HSPBAP1: variants seen among roughly 807,000 people sequenced by gnomAD.
HSPBAP1 encodes the protein HSPB1 associated protein 1, also known as HSPB1-associated protein 1.
HSPBAP1 carries 27 observed loss-of-function variants against 45.2 expected under a neutral mutation model. The ratio of observed to expected loss-of-function variants is 0.60; its 90% CI spans 0.44 to 0.82. The LOEUF (loss-of-function observed/expected upper bound fraction) is 0.82. Among genes scored for constraint, HSPBAP1 ranks in the 40% least tolerant of loss-of-function variants. The pLI is 0.00. For missense variants in HSPBAP1, 510 were observed against 590.9 expected (o/e 0.86, Z 1.42); for synonymous variants, 204 against 202.7 (o/e 1.01, Z -0.06).
At chr3:122,757,214 T>C (rs1043391364) in intron 4 of HSPBAP1, among the ~76,000 whole-genome samples, 1 of 152,200 alleles carries the variant, frequency 6.6e-6, no homozygotes, top group Admixed American at 6.5e-5. Context: ...CTTCTCATGG[T>C]TCTGGATGCT....
chr3:122,784,104 C>A (rs551689797), intron 1 of HSPBAP1, among the ~76,000 whole-genome samples: 7 of 152,210 alleles, frequency 4.6e-5, no homozygotes, highest in Non-Finnish European at 7.3e-5. Flanking sequence ...GCTGGGACTA[C>A]AGGCATGAGC....
intron 1 of HSPBAP1, among the ~76,000 whole-genome samples, chr3:122,783,840 T>A (rs1935570005): frequency 6.6e-6 from 1 of 152,024 alleles, no homozygotes; most frequent in Non-Finnish European, 1.5e-5. Context: ...TTTCTTTTTT[T>A]TTTTTTTTGA....
intron 6 of HSPBAP1, among the ~76,000 whole-genome samples, chr3:122,747,330 C>T (rs1171687874): frequency 2.6e-5 from 4 of 151,784 alleles, no homozygotes; most frequent in Non-Finnish European, 4.4e-5. Context: ...AAGTGAGGAG[C>T]GTCTCTGCCC....
chr3:122,786,348 A>G (rs925356192), intron 1 of HSPBAP1: 7 of 152,208 alleles, frequency 4.6e-5, no homozygotes, highest in Non-Finnish European at 1.0e-4. Flanking sequence ...GGAACTTTAA[A>G]GGGCAGAGAA....
intron 6 of HSPBAP1, among the ~76,000 whole-genome samples, chr3:122,751,097 G>C (rs746506783): frequency 1.4e-4 from 21 of 152,178 alleles, no homozygotes; most frequent in Non-Finnish European, 2.8e-4. Flanking sequence ...AGCAGCACTG[G>C]AGATATTTAG....
intron 5 of HSPBAP1, chr3:122,754,736 C>G (rs1252294966): frequency 3.0e-6 from 3 of 985,426 alleles, no homozygotes; most frequent in Non-Finnish European, 3.6e-6. Context: ...GGAAGCAGCA[C>G]TATGTACAGT....
At chr3:122,765,603 G>GAA (rs755386567) in intron 3 of HSPBAP1, among the ~76,000 whole-genome samples, 109 of 137,062 alleles carry the variant, frequency 8.0e-4, no homozygotes, top group African/African-American at 2.5e-3. Flanking sequence ...AAGAGAAAAA[G>GAA]AAAAAAAAAA....
At chr3:122,747,450 C>T (rs1372574178) in intron 6 of HSPBAP1, among the ~76,000 whole-genome samples, 1 of 151,758 alleles carries the variant, frequency 6.6e-6, no homozygotes. Context: ...TGAGGAGCGT[C>T]TCCGCCCGGC....
chr3:122,748,338 G>T (rs1451121146), intron 6 of HSPBAP1, among the ~76,000 whole-genome samples: 1 of 150,180 alleles, frequency 6.7e-6, no homozygotes. Flanking sequence ...CTATGACCCT[G>T]CCAAATCCCC....
At chr3:122,756,790 C>G (rs1560124570) in intron 4 of HSPBAP1, among the ~76,000 whole-genome samples, 1 of 152,068 alleles carries the variant, frequency 6.6e-6, no homozygotes, top group East Asian at 1.9e-4. Context: ...GGTTCAAAAG[C>G]TGTTTGCCTA....
intron 1 of HSPBAP1, among the ~76,000 whole-genome samples, chr3:122,789,785 C>T (rs556806438): frequency 1.3e-5 from 2 of 152,262 alleles, no homozygotes; most frequent in East Asian, 1.9e-4. Context: ...CTACCAGTTA[C>T]CCTTTCCTGC....
intron 4 of HSPBAP1, among the ~76,000 whole-genome samples, chr3:122,757,832 TC>T (rs2107511326): frequency 6.6e-6 from 1 of 152,366 alleles, no homozygotes; most frequent in Non-Finnish European, 1.5e-5. Context: ...TTGGCTTGTT[TC>T]CAATTCAGAA....
In HSPBAP1 at chr3:122,755,433, T is replaced by C. The variant is rs1401915253; in HGVS notation, c.570-2A>G. The C allele has an allele frequency of 2.2e-6, 3 of 1,339,646 alleles. No individual in the cohort carries two copies. Among genetic ancestry groups the C allele is most frequent in the South Asian group, 1.8e-5 (1 of 56,874 alleles). The allele number at this position is 1,339,646 out of a possible 1,614,324, so 83.0% of individuals were successfully genotyped here. On this transcript the variant is annotated splice_acceptor_variant, in intron 4 of 7. Coordinates refer to ENST00000306103, the MANE Select transcript of HSPBAP1 (RefSeq NM_024610.6). LOFTEE classifies it high-confidence loss of function. ...GGAGGAAAGAGATGCCATCGTTTCC[T>C]AATTAAAAAAAAAAAAAAAAGATAC...
intron 1 of HSPBAP1, among the ~76,000 whole-genome samples, chr3:122,781,204 G>C (rs1199043473): frequency 6.6e-6 from 1 of 151,180 alleles, no homozygotes; most frequent in East Asian, 1.9e-4. Context: ...CAAGGCAGGC[G>C]GCTGGGAGGT....
At chr3:122,788,191 T>C (rs1380259536) in intron 1 of HSPBAP1, among the ~76,000 whole-genome samples, 1 of 152,164 alleles carries the variant, frequency 6.6e-6, no homozygotes, top group African/African-American at 2.4e-5. Context: ...TTATAAACCC[T>C]TGTTCAGTTA....
chr3:122,743,634 TG>T (rs1294955560), intron 6 of HSPBAP1, among the ~76,000 whole-genome samples: 1 of 151,974 alleles, frequency 6.6e-6, no homozygotes, highest in African/African-American at 2.4e-5. Flanking sequence ...CACCTAGGAA[TG>T]GAATTGCTGG....
At chr3:122,782,076 A>T (rs985602650) in intron 1 of HSPBAP1, among the ~76,000 whole-genome samples, 2 of 152,218 alleles carry the variant, frequency 1.3e-5, no homozygotes, top group African/African-American at 4.8e-5. Flanking sequence ...TACATCTTCA[A>T]ATTTTAAAAG....
intron 4 of HSPBAP1, among the ~76,000 whole-genome samples, chr3:122,757,077 C>T (rs1934381381): frequency 6.6e-6 from 1 of 152,166 alleles, no homozygotes; most frequent in Non-Finnish European, 1.5e-5. Flanking sequence ...GCAATATTTC[C>T]CAAAGGAACA....
chr3:122,782,221 A>G (rs1402531347), intron 1 of HSPBAP1, among the ~76,000 whole-genome samples: 1 of 152,232 alleles, frequency 6.6e-6, no homozygotes, highest in Admixed American at 6.5e-5. Context: ...TAATGCCAGA[A>G]AGACTACTGA....
Sources: allele counts gnomAD v4.1 joint callset (sites outside exome capture counted in the v4.1 genomes callset), GRCh38; gene constraint gnomAD v4.1.1; transcripts MANE v1.5; gene names NCBI Gene and HGNC (gene_info 2026-07-23, HGNC 2026-07-21).